TENM3: variants seen among roughly 807,000 people sequenced by gnomAD.
TENM3 encodes teneurin-3.
In TENM3, 63 loss-of-function variants were observed where a neutral mutation model predicts 255.1. That is an observed-to-expected ratio of 0.25 (90% CI 0.20 to 0.30). The LOEUF (loss-of-function observed/expected upper bound fraction) is 0.30. Among genes scored for constraint, TENM3 ranks in the 10% least tolerant of loss-of-function variants. TENM3 has a pLI of 1.00. For synonymous variants in TENM3, 1,306 were observed against 1,322.3 expected, an observed-to-expected ratio of 0.99 and a Z score of 0.27; for missense variants, 2,929 against 3,461.1, an observed-to-expected ratio of 0.85 and a Z score of 3.86.
At chr4:181,739,516 CTTAA>C in the TENM3 span, among the ~76,000 whole-genome samples, 1 of 152,168 alleles carries the variant, frequency 6.6e-6, no homozygotes, top group Non-Finnish European at 1.5e-5. Context: ...GAGATGAGCT[CTTAA>C]TTAATGCACT....
In TENM3 at chr4:182,680,698, G is replaced by C. The variant is rs200483966; in HGVS notation, c.1795G>C (p.Ala599Pro). The C allele has an allele frequency of 1.3e-6, 2 of 1,588,194 alleles. No homozygotes were observed. The highest frequency in any genetic ancestry group is 8.5e-7 in the Non-Finnish European group (1 of 1,169,626). ...TGGGATTTGTATCATGGGCTCTTGT[G>C]CTTGCAACTCAGGATACAAAGGAGA... is the stretch of plus-strand genomic sequence containing the variant. ...GRGICIMGSC[A>P]CNSGYKGESC... The change falls in exon 10 of 28, where the codon GCT becomes CCT. Residue 599 changes from alanine (A) to proline (P), a missense_variant. Ala to Pro is a conservative substitution (Grantham distance 27). Around this residue, in one of 6 missense-constraint regions of TENM3, gnomAD observed 1,608 missense variants for 1,884.4 expected, o/e 0.85. Coordinates refer to ENST00000511685, the MANE Select transcript of TENM3 (RefSeq NM_001080477.4).
At chr4:182,764,265 C>T (rs527460851) in intron 22 of TENM3, among the ~76,000 whole-genome samples, 7 of 152,356 alleles carry the variant, frequency 4.6e-5, no homozygotes, top group Non-Finnish European at 1.0e-4. Flanking sequence ...TCCTGGCATT[C>T]ATTCATTCAC....
chr4:182,612,905 T>G (rs1246636007), intron 4 of TENM3, among the ~76,000 whole-genome samples: 1 of 152,240 alleles, frequency 6.6e-6, no homozygotes, highest in African/African-American at 2.4e-5. Context: ...GTCATCCATT[T>G]CTTGTTCACT....
At chr4:182,038,446 A>G in the TENM3 span, among the ~76,000 whole-genome samples, 11 of 152,326 alleles carry the variant, frequency 7.2e-5, no homozygotes, top group African/African-American at 2.6e-4. Flanking sequence ...TTTCCTGCCC[A>G]TTTTAAAGTG....
intron 4 of TENM3, among the ~76,000 whole-genome samples, chr4:182,612,790 A>T (rs370602851): frequency 4.6e-5 from 7 of 152,064 alleles, no homozygotes; most frequent in African/African-American, 1.7e-4. Flanking sequence ...TGTAAAGTTA[A>T]AGTTTGATAA....
intron 4 of TENM3, among the ~76,000 whole-genome samples, chr4:182,613,708 G>C (rs76857520): frequency 0.081 from 12,361 of 152,152 alleles, 717 homozygotes; most frequent in Non-Finnish European, 0.11. Context: ...TACTTACTAT[G>C]AACATGTTAT....
intron 1 of TENM3, among the ~76,000 whole-genome samples, chr4:182,215,224 T>C (rs183134730): frequency 1.2e-4 from 18 of 152,290 alleles, no homozygotes; most frequent in African/African-American, 4.3e-4. Flanking sequence ...TCTGGTTGAC[T>C]CCTTAGAACA....
At chr4:181,638,571 C>A in the TENM3 span, among the ~76,000 whole-genome samples, 1 of 152,150 alleles carries the variant, frequency 6.6e-6, no homozygotes, top group Non-Finnish European at 1.5e-5. Flanking sequence ...CTGTCTGAAC[C>A]TTTTCACTGC....
intron 24 of TENM3, among the ~76,000 whole-genome samples, chr4:182,784,586 T>C (rs1447027639): frequency 1.3e-5 from 2 of 151,998 alleles, no homozygotes; most frequent in Non-Finnish European, 2.9e-5. Context: ...CTCCACCCAG[T>C]TCGAGCTCCC....
At chr4:182,456,050 T>G (rs892947855) in intron 3 of TENM3, among the ~76,000 whole-genome samples, 2 of 152,216 alleles carry the variant, frequency 1.3e-5, no homozygotes, top group Non-Finnish European at 2.9e-5. Context: ...CTAAGCATGA[T>G]GCTAAGAAAA....
At chr4:181,679,046 T>C in the TENM3 span, among the ~76,000 whole-genome samples, 1,944 of 152,216 alleles carry the variant, frequency 0.013, 41 homozygotes, top group African/African-American at 0.044. Context: ...CAAACTGTAA[T>C]CTAGCTTAAT....
At chr4:181,872,155 T>C in the TENM3 span, among the ~76,000 whole-genome samples, 239 of 152,016 alleles carry the variant, frequency 1.6e-3, no homozygotes, top group African/African-American at 5.5e-3. Flanking sequence ...TCATAAAATT[T>C]TTATAGAAAT....
At position 182,799,682 on chromosome 4, in the gene TENM3, GCGCCGGGC is replaced by G; in HGVS notation, c.7434_7441del (p.Ala2480ArgfsTer254). On this transcript the variant is annotated frameshift_variant, in exon 28 of 28. Coordinates refer to ENST00000511685, the MANE Select transcript of TENM3 (RefSeq NM_001080477.4). LOFTEE classifies it high-confidence loss of function. This position sits in a 1 kb window ranked among gnomAD's most constrained non-coding sequence, Gnocchi z 4.2. ...AGATGGCCGAGGTGCAGGTGAGCCG[GCGCCGGGC>G]CGGCGGCGCGCAGTCCTGGCTGTGG... 6.5e-7 allele frequency: 1 copy of G among 1,548,968 alleles called. No homozygotes were observed. The highest frequency in any genetic ancestry group is 8.7e-7 in the Non-Finnish European group (1 of 1,146,528).
At chr4:182,204,355 T>C (rs901544221) in intron 1 of TENM3, among the ~76,000 whole-genome samples, 1 of 152,208 alleles carries the variant, frequency 6.6e-6, no homozygotes, top group Non-Finnish European at 1.5e-5. Flanking sequence ...GTACAACCAG[T>C]TGAAAACCTG....
At chr4:182,480,349 C>G (rs541216632) in intron 3 of TENM3, among the ~76,000 whole-genome samples, 33 of 152,114 alleles carry the variant, frequency 2.2e-4, no homozygotes, top group African/African-American at 3.6e-4. Flanking sequence ...CAAACTGAAG[C>G]CTTTTGCAAA....
chr4:181,652,141 G>GT, the TENM3 span, among the ~76,000 whole-genome samples: 22 of 88,464 alleles, frequency 2.5e-4, no homozygotes, highest in African/African-American at 8.1e-4. Flanking sequence ...GCACTTTGGG[G>GT]TAAAAAAAAA....
At chr4:181,701,796 A>G in the TENM3 span, among the ~76,000 whole-genome samples, 1 of 152,224 alleles carries the variant, frequency 6.6e-6, no homozygotes, top group Non-Finnish European at 1.5e-5. Context: ...AAATGGATAC[A>G]TTTATTTATA....
chr4:182,624,783 G>C (rs1328609123), intron 4 of TENM3, among the ~76,000 whole-genome samples: 1 of 152,156 alleles, frequency 6.6e-6, no homozygotes, highest in Non-Finnish European at 1.5e-5. Context: ...TGAGAGGATT[G>C]AGGCAGAGGA....
At chr4:181,805,455 A>C in the TENM3 span, among the ~76,000 whole-genome samples, 1 of 152,120 alleles carries the variant, frequency 6.6e-6, no homozygotes, top group Non-Finnish European at 1.5e-5. Flanking sequence ...CCTTCATTCA[A>C]GTGCCCACGG....
Sources: allele counts gnomAD v4.1 joint callset (sites outside exome capture counted in the v4.1 genomes callset), GRCh38; gene constraint gnomAD v4.1.1; regional missense constraint gnomAD v4.1.1; non-coding constraint Gnocchi (gnomAD v3.1); transcripts MANE v1.5; gene names NCBI Gene and HGNC (gene_info 2026-07-23, HGNC 2026-07-21).